Variants in LUZP2 observed in about 807,000 individuals in gnomAD.
LUZP2 encodes the protein leucine zipper protein 2.
Under a neutral mutation model 51.6 loss-of-function variants are expected in LUZP2, and 52 were observed. That is an observed-to-expected ratio of 1.01 (90% confidence interval 0.81 to 1.27). The LOEUF (loss-of-function observed/expected upper bound fraction) is 1.27, where lower values mean the gene tolerates loss of function less well. Among genes scored for constraint, LUZP2 ranks in the 50% most tolerant of loss-of-function variants. The pLI is 0.00. For missense variants in LUZP2, 436 were observed against 395.4 expected, an observed-to-expected ratio of 1.10 and a Z score of -0.87; for synonymous variants, 154 against 137.3, an observed-to-expected ratio of 1.12 and a Z score of -0.85.
At chr11:24,736,190 C>T (rs529746662) in intron 3 of LUZP2, among the ~76,000 whole-genome samples, 142 of 150,896 alleles carry the variant, frequency 9.4e-4, no homozygotes, top group African/African-American at 3.4e-3. Context: ...AGATAGATAC[C>T]TACTCCCACA....
intron 8 of LUZP2, among the ~76,000 whole-genome samples, chr11:24,979,569 A>G (rs1021448409): frequency 6.6e-6 from 1 of 151,876 alleles, no homozygotes; most frequent in Non-Finnish European, 1.5e-5. Flanking sequence ...GATTCTTATG[A>G]CATATTTAAT....
intron 5 of LUZP2, among the ~76,000 whole-genome samples, chr11:24,798,823 G>T (rs200548015): frequency 1.8e-3 from 8 of 4,330 alleles, no homozygotes. Flanking sequence ...TGGACTCAAG[G>T]TTATTTCCTG....
intron 1 of LUZP2, among the ~76,000 whole-genome samples, chr11:24,708,768 A>C (rs1055743422): frequency 6.6e-6 from 1 of 152,198 alleles, no homozygotes; most frequent in Admixed American, 6.5e-5. Context: ...AGAACGCATG[A>C]TGAATAACAG....
chr11:24,937,935 C>T (rs1218593189), intron 7 of LUZP2, among the ~76,000 whole-genome samples: 6 of 151,272 alleles, frequency 4.0e-5, no homozygotes, highest in Admixed American at 3.3e-4. Context: ...AAAAAAAATA[C>T]GTCATATGTT....
chr11:24,950,588 A>T (rs1485704039), intron 7 of LUZP2, among the ~76,000 whole-genome samples: 1 of 151,658 alleles, frequency 6.6e-6, no homozygotes, highest in Non-Finnish European at 1.5e-5. Flanking sequence ...ACAGAAATTT[A>T]GCAGTTCTTT....
chr11:24,749,214 G>C (rs773938618), intron 4 of LUZP2, among the ~76,000 whole-genome samples: 2 of 152,100 alleles, frequency 1.3e-5, no homozygotes, highest in Non-Finnish European at 2.9e-5. Context: ...GTGCAAATCA[G>C]AAGAGACCAC....
intron 9 of LUZP2, among the ~76,000 whole-genome samples, chr11:25,013,752 TTC>T (rs1278805231): frequency 6.6e-6 from 1 of 151,216 alleles, no homozygotes; most frequent in African/African-American, 2.5e-5. Flanking sequence ...TTATTTATTA[TTC>T]TTTTTTTATT....
intron 7 of LUZP2, among the ~76,000 whole-genome samples, chr11:24,918,589 A>T (rs1853880862): frequency 6.6e-6 from 1 of 151,584 alleles, no homozygotes; most frequent in African/African-American, 2.4e-5. Flanking sequence ...TTTATGACAA[A>T]CCCACAGCCA....
intron 1 of LUZP2, chr11:24,646,629 A>T (rs1022853275): frequency 1.6e-5 from 16 of 981,798 alleles, no homozygotes; most frequent in Admixed American, 1.2e-4. Context: ...AATGATTTTC[A>T]TTCATTCCTC....
At chr11:24,850,528 G>A (rs1851359196) in intron 5 of LUZP2, among the ~76,000 whole-genome samples, 1 of 145,838 alleles carries the variant, frequency 6.9e-6, no homozygotes. Flanking sequence ...CTGTAGGCTT[G>A]TAGTACACTT....
At chr11:24,953,740 A>G (rs140982062) in intron 7 of LUZP2, among the ~76,000 whole-genome samples, 2 of 152,144 alleles carry the variant, frequency 1.3e-5, no homozygotes, top group African/African-American at 4.8e-5. Flanking sequence ...ACCTACGTCA[A>G]ACTCATTCAC....
At chr11:24,786,234 A>G in intron 5 of LUZP2, 1 of 964,184 alleles carries the variant, frequency 1.0e-6, no homozygotes, top group Non-Finnish European at 1.2e-6. Flanking sequence ...TTAATTTCCC[A>G]TCGTAATTGC....
chr11:24,654,830 T>G (rs1470340814), intron 1 of LUZP2, among the ~76,000 whole-genome samples: 3 of 151,714 alleles, frequency 2.0e-5, no homozygotes, highest in Non-Finnish European at 2.9e-5. Context: ...CGGCCTACTT[T>G]TTTTTTTTGT....
At chr11:24,760,789 A>C (rs2134027677) in intron 4 of LUZP2, among the ~76,000 whole-genome samples, 1 of 152,308 alleles carries the variant, frequency 6.6e-6, no homozygotes, top group Middle Eastern at 3.4e-3. Flanking sequence ...AGATGTCAGA[A>C]AGAGGAATCC....
intron 5 of LUZP2, among the ~76,000 whole-genome samples, chr11:24,776,965 G>T (rs1848944441): frequency 6.7e-6 from 1 of 150,276 alleles, no homozygotes; most frequent in South Asian, 2.1e-4. Context: ...CAGGGCAAGG[G>T]TTCCATCCCC....
At chr11:24,996,690 A>G (rs1252434599) in intron 9 of LUZP2, among the ~76,000 whole-genome samples, 8 of 150,742 alleles carry the variant, frequency 5.3e-5, no homozygotes, top group Admixed American at 1.3e-4. Context: ...ACATATGTAT[A>G]CATGTGCCAT....
Position 24,999,853 on chromosome 11 carries a change from A to C in LUZP2, c.765+16560A>C, listed in dbSNP as rs569422759. On this transcript the variant is annotated intron_variant, in intron 9 of 11. Coordinates refer to ENST00000336930, the MANE Select transcript of LUZP2 (RefSeq NM_001009909.4). Reference sequence around the variant, plus strand: ...TGCAGACCCTCGTGTTGAGTATTACAGCTCATAAATTTAGTGTGGACCCAA... The same window carrying C: ...TGCAGACCCTCGTGTTGAGTATTACCGCTCATAAATTTAGTGTGGACCCAA... 2.0e-4 allele frequency among the ~76,000 whole-genome samples: 31 copies of C among 152,282 alleles called. No individual in the cohort carries two copies. The East Asian group carries it at 5.8e-3, about 29-fold the overall frequency.
intron 5 of LUZP2, among the ~76,000 whole-genome samples, chr11:24,880,456 A>C (rs1191214193): frequency 6.6e-6 from 1 of 152,138 alleles, no homozygotes; most frequent in Non-Finnish European, 1.5e-5. Context: ...TTTTGTGTAG[A>C]GAGTTGCTAA....
At position 24,503,027 on chromosome 11, in the gene LUZP2, AT is replaced by A. The variant is rs893594420; in HGVS notation, c.62+5731del. On this transcript the variant is annotated intron_variant, in intron 1 of 11. Transcript: ENST00000336930. Reference sequence around the variant, plus strand: ...TAAAGGAATAAAAGATAGTATTGACATTTTTTTTTACTACGGAGAACAAATT... The same window carrying A: ...TAAAGGAATAAAAGATAGTATTGACATTTTTTTTACTACGGAGAACAAATT... 2.8e-3 allele frequency among the ~76,000 whole-genome samples: 418 copies of A among 151,582 alleles called. 6 individuals are homozygous for A. The highest frequency in any genetic ancestry group is 9.8e-3 in the African/African-American group (403 of 41,326).
Sources: allele counts gnomAD v4.1 joint callset (sites outside exome capture counted in the v4.1 genomes callset), GRCh38; gene constraint gnomAD v4.1.1; transcripts MANE v1.5; gene names NCBI Gene and HGNC (gene_info 2026-07-23, HGNC 2026-07-21).